The following YIF1A variants were observed in gnomAD, a reference collection of about 807,000 sequenced individuals.
The protein encoded by YIF1A is protein YIF1A.
Under a neutral mutation model 32.6 loss-of-function variants are expected in YIF1A, and 28 were observed. The ratio of observed to expected loss-of-function variants is 0.86; its 90% CI spans 0.64 to 1.18. YIF1A has a LOEUF of 1.18. YIF1A is among the 50% of genes most tolerant of loss of function. The pLI, the probability that YIF1A is intolerant of heterozygous loss-of-function variation, is 0.00. For synonymous variants in YIF1A, 175 were observed against 162.2 expected (o/e 1.08, Z -0.60); for missense variants, 373 against 390.8 (o/e 0.95, Z 0.38).
At chr11:66,284,821 G>T in intron 7 of YIF1A, 38 bp from the exon 8 acceptor site, 1 of 1,612,054 alleles carries the variant, frequency 6.2e-7, no homozygotes. Flanking sequence ...CCAGGAGGGG[G>T]AGGTTTGCCC....
In YIF1A at chr11:66,288,099, C is replaced by G; in HGVS notation, c.225G>C (p.Lys75Asn). Reference protein sequence around the residue: ...AYGSSIASHGKDMVHKELHRF... With the variant: ...AYGSSIASHGNDMVHKELHRF... ...GCCACACCTCCTTGTGCACCATGTC[C>G]TTCCCATGGGATGCGATGGAGCTGC... Residue 75 changes from lysine (K) to asparagine (N), a missense_variant, in exon 2 of 8, where the codon AAG becomes AAC. Transcript: ENST00000376901. 1 of 1,613,810 alleles carries G rather than the reference C, an allele frequency of 6.2e-7. No individual in the cohort carries two copies. Among genetic ancestry groups the G allele is most frequent in the South Asian group, 1.1e-5 (1 of 91,078 alleles).
At chr11:66,287,033 A>C (rs1396949968) in intron 4 of YIF1A, 3 of 158,210 alleles carry the variant, frequency 1.9e-5, no homozygotes, top group Admixed American at 1.8e-4. Context: ...TGCCATGTGG[A>C]CAGGCAGTTG....
rs769073102 is a variant in YIF1A, at chr11:66,284,737, C to A, written c.782G>T (p.Gly261Val). Residue 261 changes from glycine to valine, a missense_variant, in exon 8 of 8, where the codon GGC (glycine) becomes GTC (valine). Gly to Val is a moderately radical substitution (Grantham distance 109). Coordinates refer to ENST00000376901, the MANE Select transcript of YIF1A (RefSeq NM_020470.3). ...CTGGAGACGCTGCCGGGGGACGGGG[C>A]CCCCCATGCTGTCGGGGCCCAGGGC... Reference protein sequence around the residue: ...TAALGPDSMGGPVPRQRLQLY... With the variant: ...TAALGPDSMGVPVPRQRLQLY... The A allele has an allele frequency of 6.2e-7, 1 of 1,611,930 alleles. No homozygotes were observed. The highest frequency in any genetic ancestry group is 2.2e-5 in the East Asian group (1 of 44,842).
rs769368772 is a variant in YIF1A at position 66,285,390 on chromosome 11, T to A, written c.632A>T (p.Lys211Ile). ...TFHLLAYSGYKYVGMILSVLT... is the reference protein window; with the variant it reads ...TFHLLAYSGYIYVGMILSVLT... ...GCCCACAAGTGCTCACCCCACGTAT[T>A]TGTAGCCACTGTAGGCCAGCAGGTG... The change falls in exon 6 of 8, where the codon AAA (lysine) becomes ATA (isoleucine). Residue 211 changes from lysine (K) to isoleucine (I), a missense_variant. Lys to Ile is a moderately radical substitution (Grantham distance 102, BLOSUM62 -3). Coordinates refer to ENST00000376901, the MANE Select transcript of YIF1A (RefSeq NM_020470.3). 11 of 1,612,366 alleles carry A rather than the reference T, an allele frequency of 6.8e-6. 1 individual carries two copies. The South Asian group carries it at 7.7e-5, about 11-fold the overall frequency.
At chr11:66,288,028 G>A in intron 2 of YIF1A, 53 bp downstream of exon 2, 1 of 1,608,596 alleles carries the variant, frequency 6.2e-7, no homozygotes, top group Non-Finnish European at 8.5e-7. Flanking sequence ...ATCCCATGAT[G>A]CCCCAGCCCT....
intron 1 of YIF1A, 54 bp from the exon 2 acceptor site, chr11:66,288,346 AACC>A (rs1362406280): frequency 1.2e-5 from 20 of 1,605,322 alleles, no homozygotes; most frequent in Non-Finnish European, 1.4e-5. Context: ...CATGAGCCCA[AACC>A]ACCGCCCCTT....
intron 1 of YIF1A, among the ~76,000 whole-genome samples, chr11:66,288,736 A>C (rs553755640): frequency 1.4e-4 from 22 of 152,180 alleles, no homozygotes; most frequent in Admixed American, 3.3e-4. Flanking sequence ...CTGGAGGAGG[A>C]GGCGGACCCC....
chr11:66,288,842 G>T, intron 1 of YIF1A, 113 bp downstream of exon 1: 1 of 1,236,884 alleles, frequency 8.1e-7, no homozygotes. Flanking sequence ...GAACCCGAGT[G>T]ACACCCCCGC....
rs753448994 is a variant in YIF1A at position 66,284,857 on chromosome 11, G to A, written c.735+16C>T. 1.9e-6 allele frequency: 3 copies of A among 1,612,894 alleles called. No homozygotes were observed. The highest frequency in any genetic ancestry group is 1.1e-5 in the South Asian group (1 of 91,066). On this transcript the variant is annotated intron_variant, in intron 7 of 7. Coordinates refer to ENST00000376901, the MANE Select transcript of YIF1A (RefSeq NM_020470.3). Reference sequence around the variant, plus strand: ...TCAAGTGAAGGCAGGGGAATGGGGGGGTGCACCAGACTCACAATGAAGTAC... The same window carrying A: ...TCAAGTGAAGGCAGGGGAATGGGGGAGTGCACCAGACTCACAATGAAGTAC...
Position 66,289,019 on chromosome 11 carries a change from G to A in YIF1A, c.-34C>T. 1 of 1,572,236 alleles carries A rather than the reference G, an allele frequency of 6.4e-7. No individual in the cohort carries two copies. The highest frequency in any genetic ancestry group is 2.4e-5 in the East Asian group (1 of 42,018). ...CGCTCGCTGTCCCCGAGGGCCCGCT[G>A]CGCCGCCTCGTGGGTACGAATACTA... On this transcript the variant is annotated 5_prime_UTR_variant, in exon 1 of 8. Transcript: ENST00000376901.
intron 4 of YIF1A, chr11:66,287,233 T>TG (rs1294972427): frequency 4.0e-6 from 1 of 249,594 alleles, no homozygotes; most frequent in African/African-American, 2.2e-5. Context: ...AACAGTCCTT[T>TG]GGGGTAGGGA....
In YIF1A at chr11:66,285,438, AC is replaced by A; in HGVS notation, c.583del (p.Val195CysfsTer5). 6.2e-7 allele frequency: 1 copy of A among 1,613,396 alleles called. No homozygotes were observed. Among genetic ancestry groups the A allele is most frequent in the Non-Finnish European group, 8.5e-7 (1 of 1,180,014 alleles). ...GTGAAAGGTGCTCAGGTCACTGCGC[AC>A]GGTGGCCAGGTAGAGGCCCAGGAGC... The part of the protein sequence containing the change: ...ALLLGLYLAT[V>X]RSDLSTFHLL... On this transcript the variant is annotated frameshift_variant, in exon 6 of 8. Coordinates refer to ENST00000376901, the MANE Select transcript of YIF1A (RefSeq NM_020470.3). LOFTEE classifies it high-confidence loss of function.
At chr11:66,287,472 C>G (rs1857372840) in intron 4 of YIF1A, 126 bp downstream of exon 4, 2 of 1,163,238 alleles carry the variant, frequency 1.7e-6, no homozygotes, top group Non-Finnish European at 2.5e-6. Context: ...AACTGCCACA[C>G]ATACACAAAG....
rs11957 is a variant in YIF1A at position 66,284,887 on chromosome 11, G to C, written c.721C>G (p.Leu241Val). 6.2e-7 allele frequency: 1 copy of C among 1,613,276 alleles called. No individual in the cohort carries two copies. The highest frequency in any genetic ancestry group is 8.5e-7 in the Non-Finnish European group (1 of 1,179,986). ...ACCAGACTCACAATGAAGTACATGA[G>C]CGCCGATGAGGTCCAGGCCAGCGCC... Reference protein sequence around the residue: ...YVALAWTSSALMYFIVRSLRT... With the variant: ...YVALAWTSSAVMYFIVRSLRT... The change falls in exon 7 of 8, where the codon CTC becomes GTC. Residue 241 changes from leucine (L) to valine (V), a missense_variant. By Grantham distance (32) the Leu-to-Val change is conservative. Transcript: ENST00000376901.
chr11:66,287,740 G>C lies in YIF1A; in HGVS notation c.349-64C>G, dbSNP rs898020769. The C allele has an allele frequency of 6.2e-6, 10 of 1,607,960 alleles. No homozygotes were observed. The African/African-American group carries it at 1.3e-4, about 21-fold the overall frequency. ...GGAAGAAGAGAAAAGAGGAGAGAAG[G>C]GGGTTGAGGTCTGGGGGCCAGACTC... On this transcript the variant is annotated intron_variant, in intron 3 of 7. Transcript: ENST00000376901.
intron 5 of YIF1A, 44 bp downstream of exon 5, chr11:66,285,657 G>A (rs764009134): frequency 2.0e-5 from 33 of 1,612,482 alleles, no homozygotes; most frequent in Non-Finnish European, 2.7e-5. Context: ...GTTGGGAGAA[G>A]AGCTCACAGG....
rs202184738 is a variant in YIF1A at position 66,285,752 on chromosome 11, G to A, written c.434C>T (p.Ala145Val). The A allele has an allele frequency of 1.8e-5, 29 of 1,612,786 alleles. No homozygotes were observed. The East Asian group carries it at 6.5e-4, about 36-fold the overall frequency. The change falls in exon 5 of 8, where the codon GCC becomes GTC. Residue 145 changes from alanine (A) to valine (V), a missense_variant. Coordinates refer to ENST00000376901, the MANE Select transcript of YIF1A (RefSeq NM_020470.3). ...AGCCAGGAGCACGTAAGTAATGAAGGCCATCGCTGCCAAGTGCCAGAGAGA... is the reference window on the plus strand; with the variant it reads ...AGCCAGGAGCACGTAAGTAATGAAGACCATCGCTGCCAAGTGCCAGAGAGA... ...NAPDLYIPTM[A>V]FITYVLLAGM...
intron 5 of YIF1A, 30 bp from the exon 6 acceptor site, chr11:66,285,566 A>G (rs1366905482): frequency 6.2e-7 from 1 of 1,612,410 alleles, no homozygotes; most frequent in Non-Finnish European, 8.5e-7. Flanking sequence ...GCTCAGAGCC[A>G]GGCATCCTGA....
chr11:66,285,779 G>A, intron 4 of YIF1A, 21 bp from the exon 5 acceptor site: 2 of 1,611,824 alleles, frequency 1.2e-6, no homozygotes, highest in Middle Eastern at 2.0e-4. Context: ...CCAGAGAGAT[G>A]CCATCAGCTT....
Sources: allele counts gnomAD v4.1 joint callset (sites outside exome capture counted in the v4.1 genomes callset), GRCh38; gene constraint gnomAD v4.1.1; transcripts MANE v1.5; gene names NCBI Gene and HGNC (gene_info 2026-07-23, HGNC 2026-07-21).